GOLGA4: variants seen among roughly 807,000 people sequenced by gnomAD.
GOLGA4 encodes golgin A4, also known as golgin subfamily A member 4.
A neutral mutation model predicts 265.9 loss-of-function variants in GOLGA4; 169 were observed. That is an observed-to-expected ratio of 0.64 (90% CI 0.56 to 0.72). The LOEUF (loss-of-function observed/expected upper bound fraction) is 0.72, where lower values mean the gene tolerates loss of function less well. Ranked by LOEUF, GOLGA4 falls within the 30% of genes least tolerant of loss-of-function variation. GOLGA4 has a pLI of 0.00. For missense variants in GOLGA4, 2,482 were observed against 2,483.4 expected (o/e 1.00, Z 0.01); for synonymous variants, 923 against 855.8 (o/e 1.08, Z -1.37).
At position 37,348,614 on chromosome 3, in the gene GOLGA4, T is replaced by C. The variant is rs530825619; in HGVS notation, c.6576+1318T>C. 3.0e-4 allele frequency among the ~76,000 whole-genome samples: 46 copies of C among 152,258 alleles called. No individual in the cohort carries two copies. The South Asian group carries it at 3.1e-3, about 10-fold the overall frequency. ...TAGATAGTTTAAAGTTACCTTGTTATTGTATTGGGGGTGGGGAGGAGAGGC... is the reference window on the plus strand; with the variant it reads ...TAGATAGTTTAAAGTTACCTTGTTACTGTATTGGGGGTGGGGAGGAGAGGC... On this transcript the variant is annotated intron_variant, in intron 21 of 23. Transcript: ENST00000361924.
intron 18 of GOLGA4, 147 bp from the exon 19 acceptor site, chr3:37,337,516 AATT>A (rs1363906734): frequency 9.6e-6 from 6 of 625,336 alleles, no homozygotes. Context: ...TTATTCTTTG[AATT>A]TGTCTGAAAG....
chr3:37,261,956 T>TA (rs1343205189), intron 2 of GOLGA4, among the ~76,000 whole-genome samples: 1 of 152,022 alleles, frequency 6.6e-6, no homozygotes, highest in Admixed American at 6.6e-5. Flanking sequence ...ACAAAGATAA[T>TA]ACCTTTTTCA....
chr3:37,253,274 A>G (rs576098006), intron 2 of GOLGA4, among the ~76,000 whole-genome samples: 2 of 151,736 alleles, frequency 1.3e-5, no homozygotes, highest in East Asian at 3.9e-4. Context: ...CCTGGTTCCC[A>G]TCCATTTCCC....
intron 2 of GOLGA4, among the ~76,000 whole-genome samples, chr3:37,281,297 G>A (rs1346373375): frequency 6.6e-6 from 1 of 152,172 alleles, no homozygotes; most frequent in African/African-American, 2.4e-5. Context: ...TGTCCTCCAT[G>A]ATTTGTTAAT....
In GOLGA4 at chr3:37,279,537, C is replaced by T. The variant is rs1043245470; in HGVS notation, c.163-2421C>T. On this transcript the variant is annotated intron_variant, in intron 2 of 23. Transcript: ENST00000361924. ...CATGATGCTCCACGTGGGGCCAAGACTCATGTGCTTTACTTGCTGTGTTTT... is the reference window on the plus strand; with the variant it reads ...CATGATGCTCCACGTGGGGCCAAGATTCATGTGCTTTACTTGCTGTGTTTT... Among the ~76,000 whole-genome samples, 9 of 152,202 alleles carry T rather than the reference C, an allele frequency of 5.9e-5. 1 individual carries two copies. The highest frequency in any genetic ancestry group is 2.9e-5 in the Non-Finnish European group (2 of 68,028).
At chr3:37,275,936 A>C (rs62619169) in intron 2 of GOLGA4, 116 of 1,613,626 alleles carry the variant, frequency 7.2e-5, no homozygotes, top group Admixed American at 1.3e-4. Flanking sequence ...TGGGCCATCA[A>C]CTGAGAAAGA....
Position 37,350,551 on chromosome 3 carries a change from G to A in GOLGA4, c.6576+3255G>A, listed in dbSNP as rs183924709. 1.1e-3 allele frequency among the ~76,000 whole-genome samples: 163 copies of A among 152,060 alleles called. 1 individual carries two copies. Among genetic ancestry groups the A allele is most frequent in the Non-Finnish European group, 2.2e-4 (15 of 67,974 alleles). ...ACTTATAAAAAAACCTTTATAGATA[G>A]TATACCAGAAACTGCTTCAGGTTAT... On this transcript the variant is annotated intron_variant, in intron 21 of 23. Transcript: ENST00000361924.
At chr3:37,313,708 C>T (rs1410355987) in intron 10 of GOLGA4, among the ~76,000 whole-genome samples, 1 of 152,050 alleles carries the variant, frequency 6.6e-6, no homozygotes, top group Non-Finnish European at 1.5e-5. Context: ...ACATATACAA[C>T]CCACATATAT....
At chr3:37,296,623 T>C (rs529397916) in intron 7 of GOLGA4, among the ~76,000 whole-genome samples, 3 of 152,322 alleles carry the variant, frequency 2.0e-5, no homozygotes, top group African/African-American at 7.2e-5. Context: ...TAGGCTGGAG[T>C]GCAGTAGCAT....
At chr3:37,328,251 C>T (rs1283786738) in intron 14 of GOLGA4, among the ~76,000 whole-genome samples, 165 bp from the exon 15 acceptor site, 1 of 144,200 alleles carries the variant, frequency 6.9e-6, no homozygotes, top group African/African-American at 2.5e-5. Flanking sequence ...CACACACACA[C>T]ACACACACAC....
At chr3:37,300,474 C>T (rs990294405) in intron 9 of GOLGA4, among the ~76,000 whole-genome samples, 6 of 151,624 alleles carry the variant, frequency 4.0e-5, no homozygotes, top group Non-Finnish European at 8.8e-5. Context: ...TCTTGAGGGC[C>T]TACTTAAATT....
At chr3:37,251,171 T>C (rs1327163510) in intron 1 of GOLGA4, among the ~76,000 whole-genome samples, 1 of 152,216 alleles carries the variant, frequency 6.6e-6, no homozygotes, top group Non-Finnish European at 1.5e-5. Context: ...TTCATGTAGC[T>C]AAGATCATAG....
At chr3:37,252,238 G>A (rs537881596) in intron 2 of GOLGA4, among the ~76,000 whole-genome samples, 9 of 151,464 alleles carry the variant, frequency 5.9e-5, no homozygotes, top group Non-Finnish European at 1.0e-4. Context: ...TCAAGCAAAG[G>A]AACACTGTTA....
chr3:37,264,948 G>A (rs2096779586), intron 2 of GOLGA4, among the ~76,000 whole-genome samples: 1 of 152,052 alleles, frequency 6.6e-6, no homozygotes, highest in Non-Finnish European at 1.5e-5. Flanking sequence ...AGATTCATAG[G>A]AGGTTCTAAC....
intron 2 of GOLGA4, among the ~76,000 whole-genome samples, chr3:37,258,702 C>A (rs570846688): frequency 6.9e-4 from 105 of 152,184 alleles, no homozygotes; most frequent in Non-Finnish European, 1.2e-3. Context: ...TTAAAGGCAT[C>A]GTTTTAGGGA....
At chr3:37,276,023 G>A (rs1004932935) in intron 2 of GOLGA4, 119 of 1,612,808 alleles carry the variant, frequency 7.4e-5, no homozygotes, top group Non-Finnish European at 9.7e-5. Flanking sequence ...TACTTCCAGC[G>A]GCAATGTAAG....
At chr3:37,323,337 A>G (rs987814848) in intron 13 of GOLGA4, among the ~76,000 whole-genome samples, 1 of 152,052 alleles carries the variant, frequency 6.6e-6, no homozygotes, top group African/African-American at 2.4e-5. Context: ...CATGTTGGTC[A>G]GGCTGGGTCT....
At chr3:37,263,383 T>G (rs1560288716) in intron 2 of GOLGA4, among the ~76,000 whole-genome samples, 1 of 152,170 alleles carries the variant, frequency 6.6e-6, no homozygotes, top group East Asian at 1.9e-4. Context: ...CTGTCTCTAG[T>G]GATAAGCGGG....
At chr3:37,301,068 G>A (rs1335362663) in intron 9 of GOLGA4, among the ~76,000 whole-genome samples, 4 of 152,112 alleles carry the variant, frequency 2.6e-5, no homozygotes, top group Non-Finnish European at 5.9e-5. Context: ...ATTAATATTA[G>A]CCATCTGGAA....
Sources: gnomAD v4.1 joint callset for allele counts (sites outside exome capture counted in the v4.1 genomes callset) on GRCh38, gnomAD v4.1.1 for gene constraint, MANE v1.5 for transcripts, NCBI Gene and HGNC (gene_info 2026-07-23, HGNC 2026-07-21) for gene names.